The following CDK6 variants were observed in gnomAD, a reference collection of about 807,000 sequenced individuals.
The protein encoded by CDK6 is cyclin-dependent kinase 6.
In CDK6, 6 loss-of-function variants were observed where a neutral mutation model predicts 37.1. That is an observed-to-expected ratio of 0.16 (90% confidence interval 0.09 to 0.32). CDK6 has a LOEUF of 0.32. Among genes scored for constraint, CDK6 ranks in the 10% least tolerant of loss-of-function variants. The probability of loss-of-function intolerance (pLI) is 1.00; values close to 1 mark genes in which losing one functional copy is unlikely to be tolerated. For missense variants in CDK6, 224 were observed against 418.9 expected (o/e 0.53, Z 4.06); for synonymous variants, 160 against 161.3 (o/e 0.99, Z 0.06).
In CDK6 at chr7:92,614,222, A is replaced by G; in HGVS notation, c.*918T>C. The G allele has an allele frequency of 4.3e-6, 1 of 233,156 alleles. No individual in the cohort carries two copies. The highest frequency in any genetic ancestry group is 6.1e-5 in the East Asian group (1 of 16,512). The allele number at this position is 233,156 out of a possible 1,614,324, so 14.4% of individuals were successfully genotyped here. On this transcript the variant is annotated 3_prime_UTR_variant, in exon 8 of 8. Transcript: ENST00000424848. ...ACAATAACAACAACAAAAAAAGGGA[A>G]GAAAGGAATTTCAAACCAGGAAATA... is the stretch of plus-strand genomic sequence containing the variant.
rs116770934 is a variant in CDK6, at chr7:92,635,889, G to A, written c.648-12803C>T. 7.5e-3 allele frequency among the ~76,000 whole-genome samples: 1,137 copies of A among 152,210 alleles called. 14 individuals carry two copies. Among genetic ancestry groups the A allele is most frequent in the African/African-American group, 0.026 (1,087 of 41,504 alleles). Reference sequence around the variant, plus strand: ...TTTCCTTATTTAGGTGAGGACTATGGCTGAGAAGATTCTGTAACTTAGACA... The same window carrying A: ...TTTCCTTATTTAGGTGAGGACTATGACTGAGAAGATTCTGTAACTTAGACA... On this transcript the variant is annotated intron_variant, in intron 5 of 7. Transcript: ENST00000424848.
intron 3 of CDK6, among the ~76,000 whole-genome samples, chr7:92,745,217 T>C (rs1032748552): frequency 1.3e-5 from 2 of 152,224 alleles, no homozygotes; most frequent in Admixed American, 1.3e-4. Flanking sequence ...GGATTTTATC[T>C]ATCATTCTTG....
intron 4 of CDK6, among the ~76,000 whole-genome samples, chr7:92,682,477 G>A (rs760205067): frequency 2.6e-5 from 4 of 152,106 alleles, no homozygotes; most frequent in Non-Finnish European, 4.4e-5. Flanking sequence ...CTAGTCCTCC[G>A]CAAGCATAAA....
chr7:92,762,375 A>G (rs80070813), intron 3 of CDK6, among the ~76,000 whole-genome samples: 7,858 of 152,146 alleles, frequency 0.052, 679 homozygotes, highest in African/African-American at 0.18. Context: ...ATTTTGGTAG[A>G]GGAAGGAAGC....
intron 4 of CDK6, among the ~76,000 whole-genome samples, chr7:92,679,216 C>T (rs1797277531): frequency 6.6e-6 from 1 of 152,178 alleles, no homozygotes; most frequent in Non-Finnish European, 1.5e-5. Flanking sequence ...GCGTGGGTGG[C>T]AACTTCTTCT....
chr7:92,717,357 A>AAGGAAAGGGAAAGGGGAAGGAGAAG, intron 4 of CDK6, among the ~76,000 whole-genome samples: 1 of 142,274 alleles, frequency 7.0e-6, no homozygotes. Flanking sequence ...GGAAAGGGGA[A>AAGGAAAGGGAAAGGGGAAGGAGAAG]AGGAAAGGGA....
intron 5 of CDK6, among the ~76,000 whole-genome samples, chr7:92,640,522 G>A (rs1796279702): frequency 6.6e-6 from 1 of 152,100 alleles, no homozygotes; most frequent in Non-Finnish European, 1.5e-5. Flanking sequence ...TTCTATGACT[G>A]AAGGCTTTGA....
At chr7:92,656,318 C>A (rs1163256911) in intron 5 of CDK6, among the ~76,000 whole-genome samples, 6 of 152,110 alleles carry the variant, frequency 3.9e-5, no homozygotes, top group African/African-American at 1.4e-4. Context: ...AGATGCTCAG[C>A]GCAAAACAAA....
At chr7:92,653,113 T>C (rs1796613182) in intron 5 of CDK6, among the ~76,000 whole-genome samples, 1 of 152,246 alleles carries the variant, frequency 6.6e-6, no homozygotes, top group South Asian at 2.1e-4. Flanking sequence ...ACGTATTTTA[T>C]CCTTGTAGGT....
At chr7:92,811,041 A>C (rs1235938519) in intron 2 of CDK6, among the ~76,000 whole-genome samples, 1 of 152,042 alleles carries the variant, frequency 6.6e-6, no homozygotes, top group Non-Finnish European at 1.5e-5. Context: ...ACAGAATGAG[A>C]ACCCCCCCAG....
intron 4 of CDK6, among the ~76,000 whole-genome samples, chr7:92,679,569 C>T (rs1354226326): frequency 2.0e-5 from 3 of 152,088 alleles, no homozygotes; most frequent in Non-Finnish European, 4.4e-5. Flanking sequence ...TGAAGGTTTT[C>T]TAAACTGTGC....
At chr7:92,707,136 T>C (rs927821172) in intron 4 of CDK6, among the ~76,000 whole-genome samples, 26 of 152,238 alleles carry the variant, frequency 1.7e-4, no homozygotes, top group Non-Finnish European at 7.3e-5. Flanking sequence ...CCTGTCTTCA[T>C]ATTCAGGTTC....
At chr7:92,625,471 A>G (rs10244050) in intron 5 of CDK6, among the ~76,000 whole-genome samples, 10,742 of 150,804 alleles carry the variant, frequency 0.071, 1,306 homozygotes, top group African/African-American at 0.25. Context: ...TGAATGCCAC[A>G]TTTTTCAATA....
At chr7:92,690,115 C>G (rs1260911239) in intron 4 of CDK6, among the ~76,000 whole-genome samples, 1 of 152,074 alleles carries the variant, frequency 6.6e-6, no homozygotes, top group African/African-American at 2.4e-5. Flanking sequence ...TGTGCAGAAG[C>G]TCTTTAGTTT....
At chr7:92,748,613 A>C (rs75679448) in intron 3 of CDK6, among the ~76,000 whole-genome samples, 1 of 152,358 alleles carries the variant, frequency 6.6e-6, no homozygotes, top group African/African-American at 2.4e-5. Context: ...CAGAAAAGTC[A>C]AGTGACTTGC....
rs900868817 is a variant in CDK6 at position 92,826,399 on chromosome 7, G to A, written c.233+6692C>T. ...AATGTTATCCAAATCGAGGTATTAA[G>A]GAATACAGAACAAAGAAAGTGACAT... On this transcript the variant is annotated intron_variant, in intron 2 of 7. Coordinates refer to ENST00000424848, the MANE Select transcript of CDK6 (RefSeq NM_001145306.2). 5.9e-5 allele frequency among the ~76,000 whole-genome samples: 9 copies of A among 152,222 alleles called. No individual in the cohort carries two copies. In the South Asian group the frequency reaches 6.2e-4, roughly 11 times the overall value.
chr7:92,718,505 A>T (rs2097978848), intron 4 of CDK6, among the ~76,000 whole-genome samples: 1 of 152,184 alleles, frequency 6.6e-6, no homozygotes, highest in Non-Finnish European at 1.5e-5. Context: ...TCTCCTGTAA[A>T]AGATGACATT....
chr7:92,802,417 TG>T (rs1800603966), intron 2 of CDK6, among the ~76,000 whole-genome samples: 1 of 152,196 alleles, frequency 6.6e-6, no homozygotes, highest in South Asian at 2.1e-4. Flanking sequence ...AAATTTGACC[TG>T]AAATTCCAAT....
intron 2 of CDK6, among the ~76,000 whole-genome samples, chr7:92,798,855 A>G (rs1331235179): frequency 2.6e-5 from 4 of 152,158 alleles, no homozygotes; most frequent in African/African-American, 9.7e-5. Flanking sequence ...CTTGTAATAG[A>G]AGATCAAAGC....
Sources: gnomAD v4.1 joint callset for allele counts (sites outside exome capture counted in the v4.1 genomes callset) on GRCh38, gnomAD v4.1.1 for gene constraint, MANE v1.5 for transcripts, NCBI Gene and HGNC (gene_info 2026-07-23, HGNC 2026-07-21) for gene names.